The following PTPRN2 variants were observed in gnomAD, a reference collection of about 807,000 sequenced individuals.
PTPRN2 encodes the protein receptor-type tyrosine-protein phosphatase N2.
Under a neutral mutation model 118.8 loss-of-function variants are expected in PTPRN2, and 74 were observed. The ratio of observed to expected loss-of-function variants is 0.62; its 90% CI spans 0.52 to 0.76. The LOEUF is 0.76. Among genes scored for constraint, PTPRN2 ranks in the 30% least tolerant of loss-of-function variants. The pLI is 0.00. For synonymous variants in PTPRN2, 641 were observed against 608.0 expected, an observed-to-expected ratio of 1.05 and a Z score of -0.80; for missense variants, 1,481 against 1,394.4, an observed-to-expected ratio of 1.06 and a Z score of -0.99.
chr7:158,205,600 G>T (rs759988091), intron 3 of PTPRN2, among the ~76,000 whole-genome samples: 1 of 152,162 alleles, frequency 6.6e-6, no homozygotes, highest in Non-Finnish European at 1.5e-5. Flanking sequence ...GCACAGCAAA[G>T]CACCTTCATA....
At chr7:157,963,684 C>T (rs866230848) in intron 11 of PTPRN2, among the ~76,000 whole-genome samples, 61 of 152,170 alleles carry the variant, frequency 4.0e-4, no homozygotes, top group African/African-American at 1.5e-3. Context: ...TGTGGTCATG[C>T]CCTCACCCCA....
chr7:157,726,462 C>T (rs563541444), intron 12 of PTPRN2, among the ~76,000 whole-genome samples: 2 of 152,290 alleles, frequency 1.3e-5, no homozygotes, highest in Non-Finnish European at 2.9e-5. Flanking sequence ...CGTCACCTCC[C>T]ACCCGAGCGT....
chr7:158,458,133 T>A (rs1818672572), intron 2 of PTPRN2, among the ~76,000 whole-genome samples: 1 of 152,166 alleles, frequency 6.6e-6, no homozygotes, highest in Non-Finnish European at 1.5e-5. Context: ...CAAACCTTAT[T>A]AAATACCCTT....
chr7:158,493,824 T>C (rs1251779507), intron 1 of PTPRN2, among the ~76,000 whole-genome samples: 1 of 150,080 alleles, frequency 6.7e-6, no homozygotes, highest in Non-Finnish European at 1.5e-5. Flanking sequence ...CACGCACACC[T>C]GCATGCATAC....
rs1563204135 is a variant in PTPRN2 at position 157,882,256 on chromosome 7, C to CACCACCCCAAAAAT, written c.1788+16416_1788+16417insATTTTTGGGGTGGT. ...AAAATGACTGTTGGAGAACAGAACA[C>CACCACCCCAAAAAT]GCCACCCCAAAAATGACTGTCAGAG... is the stretch of plus-strand genomic sequence containing the variant. On this transcript the variant is annotated intron_variant, in intron 12 of 22. Coordinates refer to ENST00000389418, the MANE Select transcript of PTPRN2 (RefSeq NM_002847.5). Among the ~76,000 whole-genome samples the CACCACCCCAAAAAT allele has an allele frequency of 3.5e-4, 53 of 150,164 alleles. 1 individual carries two copies. Among genetic ancestry groups the CACCACCCCAAAAAT allele is most frequent in the African/African-American group, 1.2e-3 (50 of 40,778 alleles).
intron 2 of PTPRN2, among the ~76,000 whole-genome samples, chr7:158,401,107 G>T (rs1011431758): frequency 1.7e-4 from 26 of 152,108 alleles, no homozygotes; most frequent in African/African-American, 5.8e-4. Flanking sequence ...CAAGAGGGAC[G>T]TGGGGCCTGA....
intron 12 of PTPRN2, among the ~76,000 whole-genome samples, chr7:157,891,488 C>G (rs941386051): frequency 6.8e-6 from 1 of 147,286 alleles, no homozygotes; most frequent in African/African-American, 2.5e-5. Context: ...CACAGCCCCC[C>G]ACCCCCCATC....
chr7:158,222,481 C>T (rs1241878241), intron 3 of PTPRN2, among the ~76,000 whole-genome samples: 1 of 152,082 alleles, frequency 6.6e-6, no homozygotes, highest in Non-Finnish European at 1.5e-5. Context: ...GAACAGAAAA[C>T]CAAATACTGC....
chr7:157,792,338 C>T (rs1212700796), intron 12 of PTPRN2, among the ~76,000 whole-genome samples: 1 of 152,248 alleles, frequency 6.6e-6, no homozygotes, highest in Non-Finnish European at 1.5e-5. Context: ...AGCCCTGGGC[C>T]ATCTCCCTGA....
chr7:158,077,881 C>T (rs1353297913), intron 11 of PTPRN2, among the ~76,000 whole-genome samples: 1 of 152,190 alleles, frequency 6.6e-6, no homozygotes, highest in Non-Finnish European at 1.5e-5. Flanking sequence ...AAGGATTTTT[C>T]TCTTCTGCCA....
chr7:158,542,396 G>A (rs1416727414), intron 1 of PTPRN2, among the ~76,000 whole-genome samples: 4 of 152,182 alleles, frequency 2.6e-5, no homozygotes, highest in South Asian at 2.1e-4. Flanking sequence ...CAGGCAATCC[G>A]CCCACCTCGG....
rs976053156 is a variant in PTPRN2 at position 158,093,715 on chromosome 7, C to A, written c.1644-12338G>T. Among the ~76,000 whole-genome samples the A allele has an allele frequency of 6.6e-6, 1 of 152,210 alleles. No homozygotes were observed. The highest frequency in any genetic ancestry group is 2.4e-5 in the African/African-American group (1 of 41,458). ...AATGCATACCTACTTTCCTTACACA[C>A]ACTTTTAATTTTACCACATTTCCTG... On this transcript the variant is annotated intron_variant, in intron 10 of 22. Transcript: ENST00000389418. The surrounding 1 kb of genome is among the most constrained non-coding windows in gnomAD (Gnocchi z 4.4).
intron 3 of PTPRN2, among the ~76,000 whole-genome samples, chr7:158,274,081 C>T (rs1798757597): frequency 7.3e-6 from 1 of 136,246 alleles, no homozygotes; most frequent in African/African-American, 2.9e-5. Flanking sequence ...GAGCCGCAGA[C>T]ACAGGGGGAG....
At chr7:158,522,360 C>T (rs1199534536) in intron 1 of PTPRN2, among the ~76,000 whole-genome samples, 1 of 130,770 alleles carries the variant, frequency 7.6e-6, no homozygotes, top group Non-Finnish European at 1.6e-5. Context: ...GTGGACTGTC[C>T]AGGTGCTGGC....
chr7:158,022,092 C>T lies in PTPRN2; in HGVS notation c.1723+59206G>A, dbSNP rs1490562066. Among the ~76,000 whole-genome samples, 1 of 152,152 alleles carries T rather than the reference C, an allele frequency of 6.6e-6. No individual in the cohort carries two copies. The highest frequency in any genetic ancestry group is 1.5e-5 in the Non-Finnish European group (1 of 68,030). On this transcript the variant is annotated intron_variant, in intron 11 of 22. Coordinates refer to ENST00000389418, the MANE Select transcript of PTPRN2 (RefSeq NM_002847.5). This position sits in a 1 kb window ranked among gnomAD's most constrained non-coding sequence, Gnocchi z 4.6. ...ATGGGTGACAGGTCCCCAGAAGCTT[C>T]GGTCTTGGGCTTGTCCTGGTAGGAA... is the stretch of plus-strand genomic sequence containing the variant.
rs966105418 is a variant in PTPRN2, at chr7:157,787,511, G to A, written c.1789-104574C>T. On this transcript the variant is annotated intron_variant, in intron 12 of 22. Coordinates refer to ENST00000389418, the MANE Select transcript of PTPRN2 (RefSeq NM_002847.5). The surrounding 1 kb of genome is among the most constrained non-coding windows in gnomAD (Gnocchi z 5.3). ...GGCAGGGGGCTTCCCCACAGTCTAG[G>A]GGGCCAGGAGAGCCCCTGGGCCTCA... Among the ~76,000 whole-genome samples the A allele has an allele frequency of 6.6e-6, 1 of 152,166 alleles. No individual in the cohort carries two copies. Among genetic ancestry groups the A allele is most frequent in the African/African-American group, 2.4e-5 (1 of 41,450 alleles).
chr7:158,309,864 A>T (rs2151070388), intron 3 of PTPRN2, among the ~76,000 whole-genome samples: 1 of 152,320 alleles, frequency 6.6e-6, no homozygotes. Flanking sequence ...GTGTGACAGC[A>T]TTAGGAGGTG....
chr7:158,584,137 C>T (rs538864054), intron 1 of PTPRN2, among the ~76,000 whole-genome samples: 20 of 152,286 alleles, frequency 1.3e-4, no homozygotes, highest in Admixed American at 5.9e-4. Flanking sequence ...GGTTCTGAAT[C>T]TGGATTCTCG....
At chr7:158,080,993 C>T (rs1812778104) in intron 11 of PTPRN2, among the ~76,000 whole-genome samples, 1 of 152,174 alleles carries the variant, frequency 6.6e-6, no homozygotes, top group Non-Finnish European at 1.5e-5. Context: ...GATTTGTTCT[C>T]GGTCACTTGC....
Sources: gnomAD v4.1 joint callset for allele counts (sites outside exome capture counted in the v4.1 genomes callset) on GRCh38, gnomAD v4.1.1 for gene constraint, Gnocchi (gnomAD v3.1) non-coding constraint, MANE v1.5 for transcripts, NCBI Gene and HGNC (gene_info 2026-07-23, HGNC 2026-07-21) for gene names.